FBXL17: variants seen among roughly 807,000 people sequenced by gnomAD.
FBXL17 encodes the protein F-box and leucine rich repeat protein 17, also known as F-box/LRR-repeat protein 17.
FBXL17 carries 22 observed loss-of-function variants against 66.2 expected under a neutral mutation model. The observed-to-expected ratio is 0.33, with a 90% CI of 0.24 to 0.47. The LOEUF is 0.47. Among genes scored for constraint, FBXL17 ranks in the 20% least tolerant of loss-of-function variants. FBXL17 has a pLI of 1.00. For synonymous variants in FBXL17, 474 were observed against 400.5 expected, an observed-to-expected ratio of 1.18 and a Z score of -2.19; for missense variants, 878 against 948.2, an observed-to-expected ratio of 0.93 and a Z score of 0.97.
intron 6 of FBXL17, among the ~76,000 whole-genome samples, chr5:108,026,237 CT>C (rs1463838266): frequency 3.3e-5 from 5 of 151,964 alleles, no homozygotes; most frequent in Admixed American, 6.6e-5. Flanking sequence ...TTTATAGTTA[CT>C]TTTTCTAAGT....
chr5:107,885,015 C>T (rs1254943228), intron 7 of FBXL17, among the ~76,000 whole-genome samples: 1 of 152,134 alleles, frequency 6.6e-6, no homozygotes, highest in Non-Finnish European at 1.5e-5. Flanking sequence ...TCTTGAACTG[C>T]CTACTCTCTA....
intron 6 of FBXL17, among the ~76,000 whole-genome samples, chr5:108,095,713 C>T (rs1332380803): frequency 1.3e-5 from 2 of 151,990 alleles, no homozygotes; most frequent in Admixed American, 6.6e-5. Flanking sequence ...GGCAAATTTA[C>T]TTACAATTTA....
At chr5:108,101,211 G>T (rs1202623842) in intron 6 of FBXL17, among the ~76,000 whole-genome samples, 4 of 152,208 alleles carry the variant, frequency 2.6e-5, no homozygotes, top group African/African-American at 7.2e-5. Flanking sequence ...GTTTAATTAT[G>T]AATGGAATAG....
chr5:107,983,262 G>C (rs889095131), intron 7 of FBXL17, among the ~76,000 whole-genome samples: 3 of 152,132 alleles, frequency 2.0e-5, no homozygotes, highest in African/African-American at 4.8e-5. Flanking sequence ...CAGGATCATA[G>C]CTCACTGCAG....
At position 108,303,397 on chromosome 5, in the gene FBXL17, T is replaced by C. The variant is rs78866089; in HGVS notation, c.1506+45002A>G. Among the ~76,000 whole-genome samples, 416 of 96,146 alleles carry C rather than the reference T, an allele frequency of 4.3e-3. 3 individuals are homozygous for C. The highest frequency in any genetic ancestry group is 0.015 in the Middle Eastern group (3 of 200). The allele number at this position is 96,146 out of a possible 152,430, so 63.1% of individuals were successfully genotyped here. On this transcript the variant is annotated intron_variant, in intron 4 of 8. Transcript: ENST00000542267. The stretch of plus-strand genomic sequence containing the variant: ...ACACACACACACACACACACACACA[T>C]ACCCACACACAAGCAACACTACTTA...
At chr5:108,259,160 G>A (rs1291715044) in intron 4 of FBXL17, among the ~76,000 whole-genome samples, 1 of 152,080 alleles carries the variant, frequency 6.6e-6, no homozygotes, top group Non-Finnish European at 1.5e-5. Flanking sequence ...TGTTTTTCAA[G>A]CTATGAGAAT....
At chr5:108,217,998 T>A (rs1418516199) in intron 5 of FBXL17, among the ~76,000 whole-genome samples, 1 of 150,764 alleles carries the variant, frequency 6.6e-6, no homozygotes, top group Non-Finnish European at 1.5e-5. Flanking sequence ...GTATATACCA[T>A]ATTTTCTAAT....
chr5:108,266,191 T>C (rs1294509833), intron 4 of FBXL17, among the ~76,000 whole-genome samples: 2 of 152,144 alleles, frequency 1.3e-5, no homozygotes, highest in Admixed American at 6.5e-5. Context: ...TAGCAGAAAC[T>C]ATAATTCTAA....
In FBXL17 at chr5:108,377,544, C is replaced by T. The variant is rs907141033; in HGVS notation, c.993+3155G>A. Reference sequence around the variant, plus strand: ...GACAGGAGGTCACAGTAGAAGCCCACGCGAGAATGCTGTAGACTTGCACTA... The same window carrying T: ...GACAGGAGGTCACAGTAGAAGCCCATGCGAGAATGCTGTAGACTTGCACTA... On this transcript the variant is annotated intron_variant, in intron 1 of 8. Coordinates refer to ENST00000542267, the MANE Select transcript of FBXL17 (RefSeq NM_001163315.3). 7.2e-5 allele frequency among the ~76,000 whole-genome samples: 11 copies of T among 152,236 alleles called. 1 individual carries two copies. The East Asian group carries it at 7.7e-4, about 11-fold the overall frequency.
intron 6 of FBXL17, among the ~76,000 whole-genome samples, chr5:108,089,687 TC>T (rs1205358872): frequency 6.6e-6 from 1 of 152,220 alleles, no homozygotes; most frequent in East Asian, 1.9e-4. Flanking sequence ...ACAGCTTTTT[TC>T]CCCTTGTTTA....
At chr5:108,203,715 A>G (rs1042386889) in intron 5 of FBXL17, among the ~76,000 whole-genome samples, 6 of 152,176 alleles carry the variant, frequency 3.9e-5, no homozygotes, top group Non-Finnish European at 7.4e-5. Flanking sequence ...GTAGTAAAAC[A>G]GTGTGTTCTT....
chr5:108,242,812 T>C (rs1755921182), intron 4 of FBXL17, among the ~76,000 whole-genome samples: 1 of 152,094 alleles, frequency 6.6e-6, no homozygotes, highest in Non-Finnish European at 1.5e-5. Flanking sequence ...CATAATACCA[T>C]TATTATATCT....
chr5:108,263,433 G>T (rs1275325229), intron 4 of FBXL17, among the ~76,000 whole-genome samples: 1 of 152,112 alleles, frequency 6.6e-6, no homozygotes, highest in Non-Finnish European at 1.5e-5. Flanking sequence ...AAATAAAAGA[G>T]TTCTTATCCT....
rs150180374 is a variant in FBXL17, at chr5:108,306,070, C to G, written c.1506+42329G>C. The stretch of plus-strand genomic sequence containing the variant: ...GTTACATTTGGATTTTTAATCTTAT[C>G]CACACCTGTTTACATAAATGGAAGA... On this transcript the variant is annotated intron_variant, in intron 4 of 8. Coordinates refer to ENST00000542267, the MANE Select transcript of FBXL17 (RefSeq NM_001163315.3). Among the ~76,000 whole-genome samples the G allele has an allele frequency of 2.4e-4, 36 of 152,096 alleles. No homozygotes were observed. In the East Asian group the frequency reaches 6.8e-3, roughly 29 times the overall value.
At chr5:108,001,828 C>T (rs973653665) in intron 7 of FBXL17, among the ~76,000 whole-genome samples, 7 of 143,972 alleles carry the variant, frequency 4.9e-5, no homozygotes, top group African/African-American at 8.8e-5. Flanking sequence ...GGTTAGTTTC[C>T]GACATCTCAA....
chr5:108,224,378 T>C (rs1755004243), intron 4 of FBXL17, 150 bp from the exon 5 acceptor site: 2 of 466,152 alleles, frequency 4.3e-6, no homozygotes, highest in Admixed American at 7.6e-5. Flanking sequence ...CATGCTATAA[T>C]ATTCCTGTAT....
At chr5:108,283,264 G>A (rs1757770292) in intron 4 of FBXL17, among the ~76,000 whole-genome samples, 1 of 151,636 alleles carries the variant, frequency 6.6e-6, no homozygotes, top group African/African-American at 2.4e-5. Context: ...TTATAATTTT[G>A]TTATAAAAGA....
At chr5:108,178,343 G>C (rs993127922) in intron 6 of FBXL17, among the ~76,000 whole-genome samples, 2 of 152,056 alleles carry the variant, frequency 1.3e-5, no homozygotes, top group Non-Finnish European at 1.5e-5. Flanking sequence ...ACCATGCCTG[G>C]CCTCATGATT....
intron 5 of FBXL17, among the ~76,000 whole-genome samples, chr5:108,221,765 T>A (rs1228047638): frequency 1.3e-5 from 2 of 152,130 alleles, no homozygotes; most frequent in African/African-American, 4.8e-5. Flanking sequence ...AGAATGCAAA[T>A]ATCATAAAAT....
Sources: gnomAD v4.1 joint callset for allele counts (sites outside exome capture counted in the v4.1 genomes callset) on GRCh38, gnomAD v4.1.1 for gene constraint, MANE v1.5 for transcripts, NCBI Gene and HGNC (gene_info 2026-07-23, HGNC 2026-07-21) for gene names.